The following ASPH variants were observed in gnomAD, a reference collection of about 807,000 sequenced individuals.
The protein encoded by ASPH is aspartyl/asparaginyl beta-hydroxylase.
In ASPH, 100 loss-of-function variants were observed where a neutral mutation model predicts 118.4. That is an observed-to-expected ratio of 0.84 (90% CI 0.72 to 1.00). The LOEUF (loss-of-function observed/expected upper bound fraction) is 1.00. ASPH is among the 50% of genes least tolerant of loss of function. The probability of loss-of-function intolerance (pLI) is 0.00; values close to 1 mark genes in which losing one functional copy is unlikely to be tolerated. For synonymous variants in ASPH, 315 were observed against 325.6 expected, an observed-to-expected ratio of 0.97 and a Z score of 0.35; for missense variants, 920 against 919.5, an observed-to-expected ratio of 1.00 and a Z score of -0.01.
At chr8:61,537,161 C>T (rs1819948033) in intron 21 of ASPH, among the ~76,000 whole-genome samples, 1 of 152,148 alleles carries the variant, frequency 6.6e-6, no homozygotes, top group Non-Finnish European at 1.5e-5. Flanking sequence ...GCCAGTCCGC[C>T]CTATCAGTCA....
At chr8:61,513,394 GA>G (rs1463253004) in intron 24 of ASPH, among the ~76,000 whole-genome samples, 2 of 152,162 alleles carry the variant, frequency 1.3e-5, no homozygotes, top group African/African-American at 4.8e-5. Context: ...TTTCTCTTAT[GA>G]AAAGCACTAT....
chr8:61,671,748 T>C (rs937172381), intron 3 of ASPH, among the ~76,000 whole-genome samples: 1 of 152,224 alleles, frequency 6.6e-6, no homozygotes. Context: ...TAAAGGAAAT[T>C]TATGCTATTT....
chr8:61,704,721 G>T (rs1030352492), intron 1 of ASPH, among the ~76,000 whole-genome samples: 2 of 152,102 alleles, frequency 1.3e-5, no homozygotes, highest in Admixed American at 6.5e-5. Context: ...ACAAGAAAAA[G>T]TGCTTGACAT....
At chr8:61,609,729 C>A (rs904684903) in intron 14 of ASPH, among the ~76,000 whole-genome samples, 2 of 152,092 alleles carry the variant, frequency 1.3e-5, no homozygotes, top group Non-Finnish European at 2.9e-5. Context: ...ACTGGACCTA[C>A]CATTATATTA....
At chr8:61,570,070 T>G (rs1484134102) in intron 16 of ASPH, among the ~76,000 whole-genome samples, 8 of 152,184 alleles carry the variant, frequency 5.3e-5, no homozygotes, top group Admixed American at 4.6e-4. Flanking sequence ...TTACACCTCA[T>G]GGTAAGCTGA....
At chr8:61,683,866 G>T in intron 2 of ASPH, 173 bp downstream of exon 2, 1 of 714,774 alleles carries the variant, frequency 1.4e-6, no homozygotes, top group Non-Finnish European at 2.2e-6. Flanking sequence ...GAGTTCAAAA[G>T]ACAATACTCC....
At chr8:61,638,121 T>C (rs902696921) in intron 11 of ASPH, 118 bp from the exon 12 acceptor site, 10 of 1,211,064 alleles carry the variant, frequency 8.3e-6, no homozygotes, top group African/African-American at 6.2e-5. Flanking sequence ...ATTGCTAAAT[T>C]TGACTCTTTT....
rs1046084662 is a variant in ASPH, at chr8:61,521,715, C to T, written c.1901-3592G>A. ...AAACTAACCCTCAAGAAGTAATAAA[C>T]CTTGCTTCTTTGGGAAAATAGCTCT... On this transcript the variant is annotated intron_variant, in intron 22 of 24. Coordinates refer to ENST00000379454, the MANE Select transcript of ASPH (RefSeq NM_004318.4). Among the ~76,000 whole-genome samples, 7 of 152,242 alleles carry T rather than the reference C, an allele frequency of 4.6e-5. No individual in the cohort carries two copies. The East Asian group carries it at 9.6e-4, about 21-fold the overall frequency.
chr8:61,621,362 A>G (rs1430122721), intron 13 of ASPH, among the ~76,000 whole-genome samples: 1 of 150,750 alleles, frequency 6.6e-6, no homozygotes, highest in African/African-American at 2.4e-5. Flanking sequence ...AAAAGAAAAT[A>G]CACAGAGAAT....
At chr8:61,668,962 T>G (rs1341049479) in intron 3 of ASPH, among the ~76,000 whole-genome samples, 1 of 152,220 alleles carries the variant, frequency 6.6e-6, no homozygotes, top group Non-Finnish European at 1.5e-5. Flanking sequence ...CCCAATGAAC[T>G]GATCTTCCCA....
chr8:61,588,493 C>T (rs1375722801), intron 14 of ASPH, among the ~76,000 whole-genome samples: 1 of 152,220 alleles, frequency 6.6e-6, no homozygotes, highest in African/African-American at 2.4e-5. Context: ...ACAGAATCTT[C>T]ACATTACTCT....
intron 24 of ASPH, among the ~76,000 whole-genome samples, chr8:61,504,924 C>T (rs1281240078): frequency 6.6e-6 from 1 of 152,168 alleles, no homozygotes; most frequent in African/African-American, 2.4e-5. Flanking sequence ...AACTGAACCT[C>T]TACTTCTACT....
chr8:61,554,658 A>AT (rs1391486992), intron 19 of ASPH, among the ~76,000 whole-genome samples: 2 of 152,168 alleles, frequency 1.3e-5, no homozygotes, highest in African/African-American at 4.8e-5. Context: ...CAGATAAAAA[A>AT]CATTTCCATC....
chr8:61,589,265 C>A (rs1180053175), intron 14 of ASPH, among the ~76,000 whole-genome samples: 1 of 152,148 alleles, frequency 6.6e-6, no homozygotes, highest in Non-Finnish European at 1.5e-5. Flanking sequence ...ATGAACCTGA[C>A]TTTTAACAAA....
Position 61,517,668 on chromosome 8 carries a change from A to G in ASPH, c.1993-7T>C. On this transcript the variant is annotated splice_region_variant and splice_polypyrimidine_tract_variant and intron_variant, in intron 23 of 24. Transcript: ENST00000379454. ...GCATGATGGAATATTTGATCTGCAT[A>G]GAAAACATGACACTCCATTCAGCCA... 1 of 1,611,918 alleles carries G rather than the reference A, an allele frequency of 6.2e-7. No homozygotes were observed. The highest frequency in any genetic ancestry group is 8.5e-7 in the Non-Finnish European group (1 of 1,178,140).
chr8:61,569,343 G>T (rs1334217718), intron 16 of ASPH, among the ~76,000 whole-genome samples: 8 of 152,158 alleles, frequency 5.3e-5, no homozygotes, highest in Admixed American at 3.3e-4. Flanking sequence ...ATTCTGGCTA[G>T]ATGCTAAAAG....
chr8:61,666,157 T>C (rs1819504183), intron 3 of ASPH, among the ~76,000 whole-genome samples: 1 of 152,198 alleles, frequency 6.6e-6, no homozygotes, highest in South Asian at 2.1e-4. Context: ...TAAATCATTA[T>C]CTGTAGTATT....
At position 61,562,437 on chromosome 8, in the gene ASPH, A is replaced by T. The variant is rs1038639197; in HGVS notation, c.1437+307T>A. On this transcript the variant is annotated intron_variant, in intron 18 of 24. Coordinates refer to ENST00000379454, the MANE Select transcript of ASPH (RefSeq NM_004318.4). ...TGTGTGTAACATTCACAGGAACTTA[A>T]ATTCTTCTTCCTGTCATGAAGAACA... Among the ~76,000 whole-genome samples the T allele has an allele frequency of 4.1e-5, 6 of 145,570 alleles. 1 individual carries two copies. Among genetic ancestry groups the T allele is most frequent in the African/African-American group, 7.5e-5 (3 of 40,124 alleles).
chr8:61,540,033 G>T (rs1174465102), intron 21 of ASPH, among the ~76,000 whole-genome samples: 1 of 152,062 alleles, frequency 6.6e-6, no homozygotes, highest in African/African-American at 2.4e-5. Context: ...TTGGTGCTTT[G>T]ATAGTTGTGA....
Sources: allele counts gnomAD v4.1 joint callset (sites outside exome capture counted in the v4.1 genomes callset), GRCh38; gene constraint gnomAD v4.1.1; transcripts MANE v1.5; gene names NCBI Gene and HGNC (gene_info 2026-07-23, HGNC 2026-07-21).